The following C2orf80 variants were observed in gnomAD, a reference collection of about 807,000 sequenced individuals.
C2orf80 encodes the protein chromosome 2 open reading frame 80.
C2orf80 carries 28 observed loss-of-function variants against 30.2 expected under a neutral mutation model. That is an observed-to-expected ratio of 0.93 (90% CI 0.69 to 1.27). C2orf80 has a LOEUF of 1.27. C2orf80 is among the 50% of genes most tolerant of loss of function. The probability of loss-of-function intolerance (pLI) is 0.00; values close to 1 mark genes in which losing one functional copy is unlikely to be tolerated. For synonymous variants in C2orf80, 80 were observed against 76.4 expected (o/e 1.05, Z -0.24); for missense variants, 220 against 231.0 (o/e 0.95, Z 0.31).
intron 5 of C2orf80, 21 bp from the exon 6 acceptor site, chr2:208,180,837 T>A: frequency 6.3e-7 from 1 of 1,595,836 alleles, no homozygotes; most frequent in Non-Finnish European, 8.6e-7. Flanking sequence ...ACAACAGCAA[T>A]AACAAAGTAT....
rs563028332 is a variant in C2orf80, at chr2:208,180,108, C to T, written c.366+637G>A. 3.9e-5 allele frequency among the ~76,000 whole-genome samples: 6 copies of T among 152,130 alleles called. No homozygotes were observed. The South Asian group carries it at 1.2e-3, about 32-fold the overall frequency. The stretch of plus-strand genomic sequence containing the variant: ...CATCATAGAAGGGAACTGTGTGGAC[C>T]TACCAGATCTACATTACAAAAAGTG... On this transcript the variant is annotated intron_variant, in intron 6 of 8. Coordinates refer to ENST00000341287, the MANE Select transcript of C2orf80 (RefSeq NM_001099334.3).
At position 208,187,041 on chromosome 2, in the gene C2orf80, C is replaced by T. The variant is rs1696739154; in HGVS notation, c.-55G>A. On this transcript the variant is annotated 5_prime_UTR_variant, in exon 2 of 9. Coordinates refer to ENST00000341287, the MANE Select transcript of C2orf80 (RefSeq NM_001099334.3). ...CTGCAGCTAACACTACACTTAGACC[C>T]AGCTTCTCTGAGTCTAGAGGCTACA... is the stretch of plus-strand genomic sequence containing the variant. The T allele has an allele frequency of 1.9e-6, 3 of 1,562,004 alleles. No individual in the cohort carries two copies. The highest frequency in any genetic ancestry group is 1.1e-5 in the South Asian group (1 of 89,982).
intron 6 of C2orf80, among the ~76,000 whole-genome samples, chr2:208,175,109 C>A (rs1340813764): frequency 1.3e-5 from 2 of 151,582 alleles, no homozygotes; most frequent in African/African-American, 2.4e-5. Flanking sequence ...CGTGGCAAAA[C>A]CTCGTCTCTA....
chr2:208,180,399 G>A (rs889100754), intron 6 of C2orf80, among the ~76,000 whole-genome samples: 12 of 151,240 alleles, frequency 7.9e-5, no homozygotes, highest in East Asian at 1.9e-4. Flanking sequence ...GCAGTGAGCC[G>A]AGATCGCACC....
chr2:208,184,384 G>C (rs921348523), intron 3 of C2orf80, among the ~76,000 whole-genome samples: 2 of 152,252 alleles, frequency 1.3e-5, no homozygotes, highest in African/African-American at 2.4e-5. Context: ...GAGAAGAAGA[G>C]GAGAGGGGAG....
At chr2:208,174,552 T>G (rs1696215936) in intron 6 of C2orf80, among the ~76,000 whole-genome samples, 1 of 152,204 alleles carries the variant, frequency 6.6e-6, no homozygotes, top group Admixed American at 6.5e-5. Context: ...ATACGTGCAG[T>G]CTCACTGAGT....
rs891636031 is a variant in C2orf80 at position 208,172,214 on chromosome 2, T to C, written c.367-139A>G. On this transcript the variant is annotated intron_variant, in intron 6 of 8. Transcript: ENST00000341287. Reference sequence around the variant, plus strand: ...TGAGTACTGTCCAACGGACACACTGTCCACAGTCCATTGATGGGGCACGTG... The same window carrying C: ...TGAGTACTGTCCAACGGACACACTGCCCACAGTCCATTGATGGGGCACGTG... 1.6e-5 allele frequency: 12 copies of C among 742,592 alleles called. 1 individual carries two copies. Among genetic ancestry groups the C allele is most frequent in the Non-Finnish European group, 2.2e-5 (9 of 410,948 alleles). 46.0% of individuals were successfully genotyped at this position (742,592 alleles called of 1,614,324 possible).
Position 208,169,269 on chromosome 2 carries a change from T to TTGTGTGTGTGTGTGTGTGTGTGTG in C2orf80, c.573+1652_573+1675dup, listed in dbSNP as rs10658929. 5.9e-4 allele frequency among the ~76,000 whole-genome samples: 82 copies of TTGTGTGTGTGTGTGTGTGTGTGTG among 138,078 alleles called. 1 individual carries two copies. The highest frequency in any genetic ancestry group is 1.1e-3 in the African/African-American group (40 of 37,160). 90.6% of individuals were successfully genotyped at this position (138,078 alleles called of 152,430 possible). Reference sequence around the variant, plus strand: ...TGTGTGATTAAGTTTAAAGTCTAGATTGTGTGTGTGTGTGTGTGTGTGTGT... The same window carrying TTGTGTGTGTGTGTGTGTGTGTGTG: ...TGTGTGATTAAGTTTAAAGTCTAGATTGTGTGTGTGTGTGTGTGTGTGTGTGTGTGTGTGTGTGTGTGTGTGTGT... On this transcript the variant is annotated intron_variant, in intron 8 of 8. Coordinates refer to ENST00000341287, the MANE Select transcript of C2orf80 (RefSeq NM_001099334.3).
At chr2:208,171,184 C>A in intron 7 of C2orf80, 121 bp from the exon 8 acceptor site, 1 of 716,314 alleles carries the variant, frequency 1.4e-6, no homozygotes, top group Admixed American at 2.4e-5. Flanking sequence ...CTCACTTTGT[C>A]ACTCAGGCTG....
intron 6 of C2orf80, among the ~76,000 whole-genome samples, chr2:208,176,986 TATATGTATACATATATACATATATACAG>T (rs1696365024): frequency 1.4e-5 from 1 of 73,758 alleles, no homozygotes; most frequent in African/African-American, 4.2e-5. Flanking sequence ...TACAGAAATG[TATATGTATACATATATACATATATACAG>T]ATACATATAT....
In C2orf80 at chr2:208,171,077, C is replaced by A. The variant is rs950237818; in HGVS notation, c.455-14G>T. 6.4e-7 allele frequency: 1 copy of A among 1,551,142 alleles called. No individual in the cohort carries two copies. The highest frequency in any genetic ancestry group is 1.4e-5 in the African/African-American group (1 of 73,670). ...TTGACTTGACACCTACAGACAGATGCAGTAACCATATCTGTATATAAAACT... is the reference window on the plus strand; with the variant it reads ...TTGACTTGACACCTACAGACAGATGAAGTAACCATATCTGTATATAAAACT... On this transcript the variant is annotated splice_polypyrimidine_tract_variant and intron_variant, in intron 7 of 8. Coordinates refer to ENST00000341287, the MANE Select transcript of C2orf80 (RefSeq NM_001099334.3).
chr2:208,181,055 G>C (rs1018766073), intron 5 of C2orf80, among the ~76,000 whole-genome samples, 163 bp downstream of exon 5: 4 of 151,976 alleles, frequency 2.6e-5, no homozygotes, highest in Admixed American at 2.6e-4. Flanking sequence ...ATACAGTGTA[G>C]AAGTTAGTCT....
At chr2:208,186,315 G>T (rs919194691) in intron 2 of C2orf80, among the ~76,000 whole-genome samples, 4 of 152,180 alleles carry the variant, frequency 2.6e-5, no homozygotes, top group Non-Finnish European at 1.5e-5. Context: ...TGATGAAAAG[G>T]CTATTACTGT....
At chr2:208,184,742 A>G (rs1292683464) in intron 3 of C2orf80, among the ~76,000 whole-genome samples, 1 of 152,068 alleles carries the variant, frequency 6.6e-6, no homozygotes, top group African/African-American at 2.4e-5. Flanking sequence ...AACTCTCATG[A>G]TTTTTATTTT....
At position 208,181,233 on chromosome 2, in the gene C2orf80, A is replaced by C. The variant is rs963020892; in HGVS notation, c.279T>G (p.Tyr93Ter). The C allele has an allele frequency of 4.4e-6, 7 of 1,605,806 alleles. No individual in the cohort carries two copies. The highest frequency in any genetic ancestry group is 2.2e-5 in the East Asian group (1 of 44,812). ...TTTTCCTTACCATTAAGATTCCAGC[A>C]TAAGATGATAAAATCATAGCTTCTC... ...REREAMILSS[Y>*]AGILMNSIPI... is the part of the protein sequence containing the mutation. Residue 93 changes from tyrosine (Y) to a stop codon, truncating the protein, a stop_gained, in exon 5 of 9, where the codon TAT becomes TAG. Coordinates refer to ENST00000341287, the MANE Select transcript of C2orf80 (RefSeq NM_001099334.3). LOFTEE classifies it high-confidence loss of function.
At chr2:208,180,415 A>G (rs1226718519) in intron 6 of C2orf80, among the ~76,000 whole-genome samples, 1 of 150,862 alleles carries the variant, frequency 6.6e-6, no homozygotes, top group Non-Finnish European at 1.5e-5. Flanking sequence ...GCACCACTAT[A>G]CTCCAGCCAG....
intron 8 of C2orf80, among the ~76,000 whole-genome samples, chr2:208,169,341 C>T (rs1260198802): frequency 6.7e-6 from 1 of 149,886 alleles, no homozygotes; most frequent in African/African-American, 2.5e-5. Flanking sequence ...TTGTTTTGCT[C>T]TCTAAAACTT....
At position 208,176,963 on chromosome 2, in the gene C2orf80, A is replaced by ACGTATACATAGG. The variant is rs1559340585; in HGVS notation, c.366+3781_366+3782insCCTATGTATACG. On this transcript the variant is annotated intron_variant, in intron 6 of 8. Coordinates refer to ENST00000341287, the MANE Select transcript of C2orf80 (RefSeq NM_001099334.3). Reference sequence around the variant, plus strand: ...TATCTGTATACATATCTGTATACATATGTATACATATATACAGAAATGTAT... The same window carrying ACGTATACATAGG: ...TATCTGTATACATATCTGTATACATACGTATACATAGGTGTATACATATATACAGAAATGTAT... Among the ~76,000 whole-genome samples the ACGTATACATAGG allele has an allele frequency of 3.0e-4, 11 of 36,146 alleles. 3 individuals are homozygous for ACGTATACATAGG. The highest frequency in any genetic ancestry group is 4.7e-4 in the African/African-American group (6 of 12,796). The allele number at this position is 36,146 out of a possible 152,430, so 23.7% of individuals were successfully genotyped here.
chr2:208,170,203 T>C (rs946790366), intron 8 of C2orf80, among the ~76,000 whole-genome samples: 5 of 152,152 alleles, frequency 3.3e-5, no homozygotes, highest in Non-Finnish European at 7.4e-5. Context: ...CTCTAAAATA[T>C]CCCAGAATCC....
Sources: allele counts gnomAD v4.1 joint callset (sites outside exome capture counted in the v4.1 genomes callset), GRCh38; gene constraint gnomAD v4.1.1; transcripts MANE v1.5; gene names NCBI Gene and HGNC (gene_info 2026-07-23, HGNC 2026-07-21).